Variants in RNF217 observed in about 807,000 individuals in gnomAD.
The protein encoded by RNF217 is E3 ubiquitin-protein ligase RNF217.
A neutral mutation model predicts 57.8 loss-of-function variants in RNF217; 31 were observed. That is an observed-to-expected ratio of 0.54 (90% CI 0.40 to 0.72). RNF217 has a LOEUF of 0.72. Ranked by LOEUF, RNF217 falls within the 30% of genes least tolerant of loss-of-function variation. The pLI, the probability that RNF217 is intolerant of heterozygous loss-of-function variation, is 0.00. For missense variants in RNF217, 696 were observed against 708.3 expected, an observed-to-expected ratio of 0.98 and a Z score of 0.20; for synonymous variants, 313 against 294.0, an observed-to-expected ratio of 1.06 and a Z score of -0.66.
At chr6:124,987,831 A>G (rs1784413942) in intron 1 of RNF217, among the ~76,000 whole-genome samples, 1 of 152,196 alleles carries the variant, frequency 6.6e-6, no homozygotes, top group African/African-American at 2.4e-5. Context: ...TTGTGATTCA[A>G]ATATTAGTTG....
At chr6:125,041,096 A>G (rs1041824637) in intron 1 of RNF217, among the ~76,000 whole-genome samples, 1 of 152,086 alleles carries the variant, frequency 6.6e-6, no homozygotes, top group African/African-American at 2.4e-5. Context: ...TCTGTTGAAA[A>G]TGAGCAGTGA....
chr6:124,962,780 G>T lies in RNF217; in HGVS notation c.236G>T (p.Ser79Ile), dbSNP rs746301595. The T allele has an allele frequency of 2.1e-5, 33 of 1,596,380 alleles. No individual in the cohort carries two copies. Among genetic ancestry groups the T allele is most frequent in the Non-Finnish European group, 2.8e-5 (33 of 1,179,404 alleles). Residue 79 changes from serine (S) to isoleucine (I), a missense_variant, in exon 1 of 6, where the codon AGT becomes ATT. Ser to Ile is a moderately radical substitution (Grantham distance 142, BLOSUM62 -2). Coordinates refer to ENST00000521654, the MANE Select transcript of RNF217 (RefSeq NM_001286398.3). The surrounding 1 kb of genome is among the most constrained non-coding windows in gnomAD (Gnocchi z 4.6). ...PARSLGPPGW[S>I]KSRAPAQPAG... ...AGGAGCCTGGGGCCCCCGGGCTGGA[G>T]TAAGAGCCGAGCACCGGCGCAGCCT...
chr6:125,043,272 C>G (rs1334443824), intron 1 of RNF217, among the ~76,000 whole-genome samples: 1 of 152,002 alleles, frequency 6.6e-6, no homozygotes, highest in Non-Finnish European at 1.5e-5. Context: ...TCCTCCAGGC[C>G]TTTGCCCAAG....
At chr6:125,070,354 C>A (rs1285345435) in intron 3 of RNF217, among the ~76,000 whole-genome samples, 2 of 152,076 alleles carry the variant, frequency 1.3e-5, no homozygotes, top group Admixed American at 6.6e-5. Context: ...GATGTCTGTC[C>A]TTTTGGATAG....
chr6:125,004,211 G>A (rs1279173595), intron 1 of RNF217, among the ~76,000 whole-genome samples: 1 of 152,006 alleles, frequency 6.6e-6, no homozygotes, highest in Non-Finnish European at 1.5e-5. Flanking sequence ...TTTGTTGTAG[G>A]GCACACATCT....
intron 1 of RNF217, among the ~76,000 whole-genome samples, chr6:125,021,847 G>C (rs1047561004): frequency 6.6e-6 from 1 of 152,048 alleles, no homozygotes; most frequent in African/African-American, 2.4e-5. Context: ...AGTAAGAACA[G>C]CCATTCCCAG....
Position 124,963,348 on chromosome 6 carries a change from A to C in RNF217, c.804A>C (p.Glu268Asp). 2 of 1,533,180 alleles carry C rather than the reference A, an allele frequency of 1.3e-6. No individual in the cohort carries two copies. Among genetic ancestry groups the C allele is most frequent in the Non-Finnish European group, 1.7e-6 (2 of 1,145,454 alleles). The allele number at this position is 1,533,180 out of a possible 1,614,324, so 95.0% of individuals were successfully genotyped here. A position where few individuals can be genotyped will look rare whatever the true frequency, so the allele number is the denominator to read the frequency against. Reference protein sequence around the residue: ...LMVLMCRVCLEDKPIKPLPCC... With the variant: ...LMVLMCRVCLDDKPIKPLPCC... ...TGCTGATGTGCCGGGTGTGCCTGGA[A>C]GACAAGCCCATCAAGCCCCTGCCTT... Residue 268 changes from glutamate to aspartate, a missense_variant, in exon 1 of 6, where the codon GAA becomes GAC. Physicochemically the swap from Glu to Asp is conservative, Grantham distance 45. This residue lies in a region of RNF217 where 465 missense variants were observed against 386.8 expected (regional missense o/e 1.20). Coordinates refer to ENST00000521654, the MANE Select transcript of RNF217 (RefSeq NM_001286398.3).
In RNF217 at chr6:124,963,001, CG is replaced by C. The variant is rs1443940370; in HGVS notation, c.459del (p.Arg154AlafsTer42). On this transcript the variant is annotated frameshift_variant, in exon 1 of 6. Coordinates refer to ENST00000521654, the MANE Select transcript of RNF217 (RefSeq NM_001286398.3). LOFTEE classifies it high-confidence loss of function. ...DGLVLDVLGQ[R>X]RPSLAKRQVF... Reference sequence around the variant, plus strand: ...ACTGGTCCTGGACGTGCTGGGTCAGCGGCGCCCGTCCCTCGCCAAGAGACAA... The same window carrying C: ...ACTGGTCCTGGACGTGCTGGGTCAGCGCGCCCGTCCCTCGCCAAGAGACAA... 6.3e-7 allele frequency: 1 copy of C among 1,595,854 alleles called. No homozygotes were observed. The highest frequency in any genetic ancestry group is 8.5e-7 in the Non-Finnish European group (1 of 1,178,868).
In RNF217 at chr6:125,088,568, G is replaced by T. The variant is rs1449755337; in HGVS notation, c.*5631G>T. On this transcript the variant is annotated 3_prime_UTR_variant, in exon 6 of 6. Coordinates refer to ENST00000521654, the MANE Select transcript of RNF217 (RefSeq NM_001286398.3). ...ACCTTACAAAATCCCTATACATATTGCCAGTTTTAAAAGAATGTAATTATG... is the reference window on the plus strand; with the variant it reads ...ACCTTACAAAATCCCTATACATATTTCCAGTTTTAAAAGAATGTAATTATG... 6.6e-6 allele frequency: 1 copy of T among 152,052 alleles called. No homozygotes were observed. Among genetic ancestry groups the T allele is most frequent in the Non-Finnish European group, 1.5e-5 (1 of 68,016 alleles). 9.4% of individuals were successfully genotyped at this position (152,052 alleles called of 1,614,324 possible). A position where few individuals can be genotyped will look rare whatever the true frequency, so the allele number is the denominator to read the frequency against.
chr6:124,963,113 G>C lies in RNF217; in HGVS notation c.569G>C (p.Gly190Ala). ...EQLSPPASPP[G>A]APPVLNPPST... ...CTCTCGCCGCCCGCGTCGCCACCTG[G>C]GGCTCCGCCAGTGTTGAACCCTCCC... Residue 190 changes from glycine to alanine, a missense_variant, in exon 1 of 6, where the codon GGG becomes GCG. Gly to Ala is a moderately conservative substitution (Grantham distance 60). Transcript: ENST00000521654. The C allele has an allele frequency of 6.5e-7, 1 of 1,537,606 alleles. No homozygotes were observed. The highest frequency in any genetic ancestry group is 8.7e-7 in the Non-Finnish European group (1 of 1,148,152).
Position 125,089,639 on chromosome 6 carries a change from A to G in RNF217, c.*6702A>G, listed in dbSNP as rs893343479. 6.6e-6 allele frequency: 1 copy of G among 152,176 alleles called. No individual in the cohort carries two copies. The highest frequency in any genetic ancestry group is 2.4e-5 in the African/African-American group (1 of 41,438). The allele number at this position is 152,176 out of a possible 1,614,324, so 9.4% of individuals were successfully genotyped here. A position where few individuals can be genotyped will look rare whatever the true frequency, so the allele number is the denominator to read the frequency against. On this transcript the variant is annotated 3_prime_UTR_variant, in exon 6 of 6. Coordinates refer to ENST00000521654, the MANE Select transcript of RNF217 (RefSeq NM_001286398.3). ...AATATATTTAGTATAGATTCAGTACATAACAGGAAAGAAAAAGGGAGAGAC... is the reference window on the plus strand; with the variant it reads ...AATATATTTAGTATAGATTCAGTACGTAACAGGAAAGAAAAAGGGAGAGAC...
rs1788763750 is a variant in RNF217 at position 125,086,139 on chromosome 6, T to A, written c.*3202T>A. On this transcript the variant is annotated 3_prime_UTR_variant, in exon 6 of 6. Coordinates refer to ENST00000521654, the MANE Select transcript of RNF217 (RefSeq NM_001286398.3). ...TACAAGATCTTTGTAATAAACATTTTAATGTAATTTCAGGAGATGAGGTCA... is the reference window on the plus strand; with the variant it reads ...TACAAGATCTTTGTAATAAACATTTAAATGTAATTTCAGGAGATGAGGTCA... The A allele has an allele frequency of 6.6e-6, 1 of 152,006 alleles. No individual in the cohort carries two copies. Among genetic ancestry groups the A allele is most frequent in the South Asian group, 2.1e-4 (1 of 4,830 alleles). The allele number at this position is 152,006 out of a possible 1,614,324, so 9.4% of individuals were successfully genotyped here. A position where few individuals can be genotyped will look rare whatever the true frequency, so the allele number is the denominator to read the frequency against.
At chr6:125,018,765 C>T (rs1785706553) in intron 1 of RNF217, among the ~76,000 whole-genome samples, 1 of 152,146 alleles carries the variant, frequency 6.6e-6, no homozygotes, top group African/African-American at 2.4e-5. Flanking sequence ...CTACCCTCCT[C>T]ACCTCTCTTG....
chr6:125,021,281 T>C (rs1347336169), intron 1 of RNF217, among the ~76,000 whole-genome samples: 1 of 151,912 alleles, frequency 6.6e-6, no homozygotes, highest in South Asian at 2.1e-4. Flanking sequence ...TTTTTTTTTT[T>C]TTTGAGACGG....
In RNF217 at chr6:124,963,166, C is replaced by T; in HGVS notation, c.622C>T (p.Arg208Ter). ...CACCCGCTCTTCCTTCCCCAGCCCC[C>T]GACTGTCCCTCCCAACGGATTCCCT... ...PSTRSSFPSP[R>*]LSLPTDSLSP... The change falls in exon 1 of 6, where the codon CGA becomes TGA. Residue 208 changes from arginine (R) to a stop codon, truncating the protein, a stop_gained. Coordinates refer to ENST00000521654, the MANE Select transcript of RNF217 (RefSeq NM_001286398.3). LOFTEE classifies it high-confidence loss of function. The T allele has an allele frequency of 6.5e-7, 1 of 1,535,650 alleles. No homozygotes were observed. Among genetic ancestry groups the T allele is most frequent in the East Asian group, 2.4e-5 (1 of 40,884 alleles).
At chr6:125,011,724 A>C (rs1194314251) in intron 1 of RNF217, among the ~76,000 whole-genome samples, 1 of 152,076 alleles carries the variant, frequency 6.6e-6, no homozygotes, top group Non-Finnish European at 1.5e-5. Context: ...TTTACTAGGA[A>C]CCCAGTATTA....
intron 1 of RNF217, among the ~76,000 whole-genome samples, chr6:124,970,879 G>A (rs1783736028): frequency 6.6e-6 from 1 of 152,232 alleles, no homozygotes; most frequent in Non-Finnish European, 1.5e-5. Context: ...ATAATCACAT[G>A]TGTCTAATGC....
intron 1 of RNF217, among the ~76,000 whole-genome samples, chr6:125,033,090 AC>A (rs541581510): frequency 1.8e-3 from 266 of 151,632 alleles, no homozygotes; most frequent in African/African-American, 6.2e-3. Context: ...TAAAGTCTCG[AC>A]TATTTTTCTT....
chr6:125,023,116 G>A (rs1271602832), intron 1 of RNF217, among the ~76,000 whole-genome samples: 1 of 152,170 alleles, frequency 6.6e-6, no homozygotes, highest in Non-Finnish European at 1.5e-5. Flanking sequence ...ACAGGAGCAA[G>A]TCTTGTTAAG....
Sources: gnomAD v4.1 joint callset for allele counts (sites outside exome capture counted in the v4.1 genomes callset) on GRCh38, gnomAD v4.1.1 for gene constraint, gnomAD v4.1.1 regional missense constraint, Gnocchi (gnomAD v3.1) non-coding constraint, MANE v1.5 for transcripts, NCBI Gene and HGNC (gene_info 2026-07-23, HGNC 2026-07-21) for gene names.